Variants in MACROD2 observed in about 807,000 individuals in gnomAD.
MACROD2 encodes the protein mono-ADP ribosylhydrolase 2, also known as ADP-ribose glycohydrolase MACROD2.
MACROD2 carries 36 observed loss-of-function variants against 70.4 expected under a neutral mutation model. The ratio of observed to expected loss-of-function variants is 0.51; its 90% CI spans 0.39 to 0.68. MACROD2 has a LOEUF of 0.68. MACROD2 is among the 30% of genes least tolerant of loss of function. MACROD2 has a pLI of 0.00. For synonymous variants in MACROD2, 172 were observed against 178.8 expected, an observed-to-expected ratio of 0.96 and a Z score of 0.30; for missense variants, 496 against 538.4, an observed-to-expected ratio of 0.92 and a Z score of 0.78.
chr20:15,763,999 A>G (rs1256915011), intron 8 of MACROD2, among the ~76,000 whole-genome samples: 4 of 152,270 alleles, frequency 2.6e-5, no homozygotes, highest in African/African-American at 9.6e-5. Flanking sequence ...TCAATAACAT[A>G]TTAAAGAGTT....
chr20:14,704,290 T>C (rs2071241967), intron 5 of MACROD2, among the ~76,000 whole-genome samples: 1 of 152,146 alleles, frequency 6.6e-6, no homozygotes. Flanking sequence ...CGTCCATTTG[T>C]AATTCCAGGC....
intron 5 of MACROD2, among the ~76,000 whole-genome samples, chr20:14,700,895 A>G (rs962320360): frequency 2.0e-5 from 3 of 151,984 alleles, no homozygotes; most frequent in African/African-American, 7.3e-5. Context: ...CTTATTGTTG[A>G]TGGCCTGAAG....
chr20:14,814,880 T>G (rs957088582), intron 5 of MACROD2, among the ~76,000 whole-genome samples: 2 of 151,780 alleles, frequency 1.3e-5, no homozygotes, highest in African/African-American at 4.8e-5. Context: ...CTTAAGATGC[T>G]TGGAAAAATA....
intron 3 of MACROD2, among the ~76,000 whole-genome samples, chr20:14,157,670 A>C (rs1474816920): frequency 6.6e-6 from 1 of 152,132 alleles, no homozygotes; most frequent in Non-Finnish European, 1.5e-5. Context: ...ATGATTGAGA[A>C]TATGTGATAC....
At chr20:14,657,090 A>G (rs1986013035) in intron 4 of MACROD2, among the ~76,000 whole-genome samples, 1 of 152,138 alleles carries the variant, frequency 6.6e-6, no homozygotes, top group Admixed American at 6.5e-5. Flanking sequence ...TATTTCATAC[A>G]TTTGTGCTTT....
intron 12 of MACROD2, among the ~76,000 whole-genome samples, chr20:15,952,874 A>G (rs2065925088): frequency 6.6e-6 from 1 of 152,158 alleles, no homozygotes; most frequent in Non-Finnish European, 1.5e-5. Flanking sequence ...ATAGATTTGC[A>G]TCTACCACCA....
chr20:15,285,914 G>A (rs943118820), intron 6 of MACROD2, among the ~76,000 whole-genome samples: 1 of 152,018 alleles, frequency 6.6e-6, no homozygotes, highest in Non-Finnish European at 1.5e-5. Context: ...TCATACATAT[G>A]TGGCAATTCT....
chr20:15,598,150 A>T (rs907175984), intron 8 of MACROD2, among the ~76,000 whole-genome samples: 1 of 152,208 alleles, frequency 6.6e-6, no homozygotes. Flanking sequence ...TCCACCTATG[A>T]AAAGCACCAG....
chr20:15,035,027 A>C lies in MACROD2; in HGVS notation c.419-194913A>C, dbSNP rs1478526608. On this transcript the variant is annotated intron_variant, in intron 5 of 17. Transcript: ENST00000684519. ...AAAAATTTTAGGTCTTTTGATATGC[A>C]TTCATGCTTATATCAGCAGGATTCA... Among the ~76,000 whole-genome samples the C allele has an allele frequency of 5.3e-5, 8 of 152,250 alleles. 1 individual carries two copies. In the East Asian group the frequency reaches 1.5e-3, roughly 29 times the overall value.
chr20:14,844,610 CTT>C, intron 5 of MACROD2, among the ~76,000 whole-genome samples: 1 of 152,198 alleles, frequency 6.6e-6, no homozygotes, highest in East Asian at 1.9e-4. Flanking sequence ...AATACTCCTT[CTT>C]GTTTTCTTTT....
rs1188409377 is a variant in MACROD2 at position 15,082,534 on chromosome 20, T to TG, written c.419-147406_419-147405insG. 3.4e-3 allele frequency among the ~76,000 whole-genome samples: 472 copies of TG among 139,380 alleles called. 5 individuals carry two copies. The highest frequency in any genetic ancestry group is 0.011 in the African/African-American group (420 of 38,582). The allele number at this position is 139,380 out of a possible 152,430, so 91.4% of individuals were successfully genotyped here. A position where few individuals can be genotyped will look rare whatever the true frequency, so the allele number is the denominator to read the frequency against. On this transcript the variant is annotated intron_variant, in intron 5 of 17. Transcript: ENST00000684519. ...TCACACTGCAAGAGGTTTTTTTTTT[T>TG]TTTTTTTTTTTTCCTAAGCTGAAGA... is the stretch of plus-strand genomic sequence containing the variant.
intron 3 of MACROD2, among the ~76,000 whole-genome samples, chr20:14,177,609 T>G (rs1292132106): frequency 6.6e-6 from 1 of 152,038 alleles, no homozygotes; most frequent in Non-Finnish European, 1.5e-5. Flanking sequence ...AGCCACCACG[T>G]CAAGCCGAGA....
chr20:14,066,594 T>A (rs2053760368), intron 2 of MACROD2, among the ~76,000 whole-genome samples: 1 of 152,196 alleles, frequency 6.6e-6, no homozygotes. Context: ...TATGTGTGTC[T>A]AATGTATATG....
intron 6 of MACROD2, among the ~76,000 whole-genome samples, chr20:15,267,791 T>C (rs1483255924): frequency 6.6e-6 from 1 of 152,158 alleles, no homozygotes; most frequent in Non-Finnish European, 1.5e-5. Context: ...GGGAAGTTCC[T>C]GCCAGTTGCG....
At chr20:15,299,302 G>C (rs904589442) in intron 6 of MACROD2, among the ~76,000 whole-genome samples, 8 of 152,104 alleles carry the variant, frequency 5.3e-5, no homozygotes, top group Non-Finnish European at 8.8e-5. Flanking sequence ...GGAGCAAAAC[G>C]GTCAGGGTCA....
At chr20:14,653,289 G>T (rs1985784218) in intron 4 of MACROD2, among the ~76,000 whole-genome samples, 1 of 151,048 alleles carries the variant, frequency 6.6e-6, no homozygotes, top group South Asian at 2.1e-4. Context: ...CACAATCTTG[G>T]CTCACTGCAA....
At chr20:15,709,614 C>A (rs151295924) in intron 8 of MACROD2, among the ~76,000 whole-genome samples, 2 of 152,158 alleles carry the variant, frequency 1.3e-5, no homozygotes, top group African/African-American at 4.8e-5. Flanking sequence ...CTGCAGTGAG[C>A]TATAATTGCA....
At chr20:15,866,099 A>G (rs1233920503) in intron 9 of MACROD2, among the ~76,000 whole-genome samples, 1 of 152,208 alleles carries the variant, frequency 6.6e-6, no homozygotes, top group Admixed American at 6.5e-5. Context: ...GGTTTCAAAC[A>G]ACTTATGTCA....
At chr20:15,860,241 ACACT>A (rs149093334) in intron 8 of MACROD2, among the ~76,000 whole-genome samples, 4,395 of 152,286 alleles carry the variant, frequency 0.029, 126 homozygotes, top group East Asian at 0.13. Flanking sequence ...ATATTTATAC[ACACT>A]CACACAAGAA....
Sources: allele counts gnomAD v4.1 joint callset (sites outside exome capture counted in the v4.1 genomes callset), GRCh38; gene constraint gnomAD v4.1.1; transcripts MANE v1.5; gene names NCBI Gene and HGNC (gene_info 2026-07-23, HGNC 2026-07-21).